RHCE: variants seen among roughly 807,000 people sequenced by gnomAD.
The protein encoded by RHCE is blood group Rh(CE) polypeptide.
RHCE carries 22 observed loss-of-function variants against 43.8 expected under a neutral mutation model. That is an observed-to-expected ratio of 0.50 (90% CI 0.36 to 0.72). The LOEUF (loss-of-function observed/expected upper bound fraction) is 0.72, where lower values mean the gene tolerates loss of function less well. Ranked by LOEUF, RHCE falls within the 30% of genes least tolerant of loss-of-function variation. The probability of loss-of-function intolerance (pLI) is 0.00; values close to 1 mark genes in which losing one functional copy is unlikely to be tolerated. For missense variants in RHCE, 385 were observed against 525.4 expected, an observed-to-expected ratio of 0.73 and a Z score of 2.61; for synonymous variants, 156 against 210.7, an observed-to-expected ratio of 0.74 and a Z score of 2.25.
chr1:25,389,617 G>A (rs989757975), intron 5 of RHCE, among the ~76,000 whole-genome samples: 2 of 152,256 alleles, frequency 1.3e-5, no homozygotes, highest in African/African-American at 4.8e-5. Context: ...TAAGGTTATT[G>A]TAAGGATTAA....
At chr1:25,386,211 A>C (rs1646154484) in intron 6 of RHCE, among the ~76,000 whole-genome samples, 1 of 152,212 alleles carries the variant, frequency 6.6e-6, no homozygotes, top group Non-Finnish European at 1.5e-5. Flanking sequence ...GATGTTAAGC[A>C]TCATTCCTGG....
upstream of RHCE, among the ~76,000 whole-genome samples, chr1:25,421,474 G>C (rs2042758921): frequency 6.6e-6 from 1 of 152,192 alleles, no homozygotes; most frequent in Admixed American, 6.5e-5. Flanking sequence ...AAAACCTGGA[G>C]GGGATCCTGA....
chr1:25,387,812 C>A (rs1286825796), intron 6 of RHCE, among the ~76,000 whole-genome samples: 1 of 151,860 alleles, frequency 6.6e-6, no homozygotes, highest in East Asian at 1.9e-4. Flanking sequence ...ATATTCCACT[C>A]TGTATATAAA....
At chr1:25,412,615 G>A (rs1557640358) in intron 1 of RHCE, among the ~76,000 whole-genome samples, 1 of 151,626 alleles carries the variant, frequency 6.6e-6, no homozygotes, top group Non-Finnish European at 1.5e-5. Context: ...AGGAGGGTGA[G>A]GTGGGAGGAT....
intron 6 of RHCE, among the ~76,000 whole-genome samples, chr1:25,386,808 C>T (rs879338317): frequency 6.7e-6 from 1 of 148,194 alleles, no homozygotes; most frequent in Non-Finnish European, 1.5e-5. Context: ...GGCAAAAGAG[C>T]GAGACACCGT....
chr1:25,415,879 A>G (rs923451589), intron 1 of RHCE, among the ~76,000 whole-genome samples: 3 of 151,792 alleles, frequency 2.0e-5, no homozygotes, highest in African/African-American at 7.3e-5. Context: ...AATCACCCAG[A>G]GGGCTTGTGA....
At chr1:25,371,090 A>G (rs1489543938) in intron 8 of RHCE, among the ~76,000 whole-genome samples, 1 of 150,532 alleles carries the variant, frequency 6.6e-6, no homozygotes, top group East Asian at 1.9e-4. Flanking sequence ...TTTGAAAAAA[A>G]GAACTGGGAA....
intron 9 of RHCE, 73 bp downstream of exon 9, chr1:25,370,394 A>G (rs1645571711): frequency 4.6e-6 from 6 of 1,306,516 alleles, no homozygotes; most frequent in African/African-American, 1.5e-5. Flanking sequence ...ACAGCAAGTC[A>G]ACATATATAC....
At chr1:25,386,778 C>T (rs1193062251) in intron 6 of RHCE, among the ~76,000 whole-genome samples, 2 of 151,864 alleles carry the variant, frequency 1.3e-5, no homozygotes, top group Non-Finnish European at 1.5e-5. Flanking sequence ...GCCAAGATGG[C>T]GCCACTGCAC....
intron 9 of RHCE, among the ~76,000 whole-genome samples, chr1:25,370,255 C>A (rs893488297): frequency 5.9e-5 from 9 of 151,524 alleles, no homozygotes; most frequent in Non-Finnish European, 1.2e-4. Context: ...TTTGAGGTAT[C>A]AGGGAAATGG....
At chr1:25,389,855 T>C (rs1196378154) in intron 5 of RHCE, among the ~76,000 whole-genome samples, 2 of 152,156 alleles carry the variant, frequency 1.3e-5, no homozygotes, top group African/African-American at 4.8e-5. Flanking sequence ...CTTGCTCTTA[T>C]CTGACACCCT....
At chr1:25,379,740 C>G (rs1201395677) in intron 7 of RHCE, among the ~76,000 whole-genome samples, 2 of 148,568 alleles carry the variant, frequency 1.3e-5, no homozygotes, top group Non-Finnish European at 3.0e-5. Flanking sequence ...AGTGGCACGA[C>G]CATAGCTCAC....
chr1:25,402,566 C>A (rs1646786948), intron 3 of RHCE, 30 bp downstream of exon 3: 2 of 1,613,982 alleles, frequency 1.2e-6, no homozygotes, highest in African/African-American at 2.7e-5. Flanking sequence ...CCTTTTCTCC[C>A]AGGTCCCTCC....
At chr1:25,410,257 T>C (rs757956508) in intron 1 of RHCE, among the ~76,000 whole-genome samples, 5 of 152,078 alleles carry the variant, frequency 3.3e-5, no homozygotes, top group Admixed American at 6.5e-5. Context: ...TACCACACCA[T>C]CTGCCCTCCC....
At chr1:25,369,795 G>A (rs1431487819) in intron 9 of RHCE, among the ~76,000 whole-genome samples, 2 of 141,734 alleles carry the variant, frequency 1.4e-5, no homozygotes, top group Admixed American at 7.3e-5. Context: ...CTGGAGTGCA[G>A]TGGCGCAATC....
intron 3 of RHCE, among the ~76,000 whole-genome samples, chr1:25,401,325 T>C (rs1646732878): frequency 6.6e-6 from 1 of 152,182 alleles, no homozygotes; most frequent in Non-Finnish European, 1.5e-5. Context: ...CACAGGGATT[T>C]ATGGCAGAGC....
chr1:25,425,801 C>G (rs1265409143), upstream of RHCE, among the ~76,000 whole-genome samples: 4 of 152,194 alleles, frequency 2.6e-5, no homozygotes, highest in African/African-American at 9.7e-5. Context: ...GAGTCAAGCT[C>G]AGTCACTGGC....
intron 3 of RHCE, among the ~76,000 whole-genome samples, chr1:25,400,760 T>C (rs577553159): frequency 1.3e-5 from 2 of 151,860 alleles, no homozygotes; most frequent in Admixed American, 6.6e-5. Context: ...AACTCTGGGT[T>C]TTCCCTCCCA....
At chr1:25,430,192 T>A (rs2042842667) in exon 1 of RHCE, 1 of 151,930 alleles carries the variant, frequency 6.6e-6, no homozygotes, top group African/African-American at 2.4e-5. Flanking sequence ...GCCCCGGGCA[T>A]CTCTGCGCTA....
Sources: allele counts gnomAD v4.1 joint callset (sites outside exome capture counted in the v4.1 genomes callset), GRCh38; gene constraint gnomAD v4.1.1; transcripts MANE v1.5; gene names NCBI Gene and HGNC (gene_info 2026-07-23, HGNC 2026-07-21).